Variants in NXN observed in about 807,000 individuals in gnomAD.
NXN encodes the protein nucleoredoxin 1.
A neutral mutation model predicts 48.6 loss-of-function variants in NXN; 16 were observed. That is an observed-to-expected ratio of 0.33 (90% CI 0.22 to 0.50). The LOEUF is 0.50. Among genes scored for constraint, NXN ranks in the 20% least tolerant of loss-of-function variants. The pLI, the probability that NXN is intolerant of heterozygous loss-of-function variation, is 0.98. For missense variants in NXN, 492 were observed against 605.5 expected (o/e 0.81, Z 1.97); for synonymous variants, 281 against 269.6 (o/e 1.04, Z -0.41).
At chr17:893,465 G>A (rs1051555627) in intron 1 of NXN, among the ~76,000 whole-genome samples, 6 of 152,210 alleles carry the variant, frequency 3.9e-5, no homozygotes, top group African/African-American at 1.2e-4. Flanking sequence ...TATCTCCATC[G>A]CTCAGTAGCG....
chr17:907,131 G>T lies in NXN; in HGVS notation c.360+72188C>A, dbSNP rs568812064. Among the ~76,000 whole-genome samples, 103 of 151,166 alleles carry T rather than the reference G, an allele frequency of 6.8e-4. 3 individuals carry two copies. In the South Asian group the frequency reaches 0.021, roughly 31 times the overall value. ...CCCAATTTCCAAGTAATCTTTTTTT[G>T]GGGGGGCGGGGGAGGGTTATCTCCA... On this transcript the variant is annotated intron_variant, in intron 1 of 7. Coordinates refer to ENST00000336868, the MANE Select transcript of NXN (RefSeq NM_022463.5).
intron 1 of NXN, among the ~76,000 whole-genome samples, chr17:874,199 G>A (rs1439077094): frequency 6.6e-6 from 1 of 152,160 alleles, no homozygotes; most frequent in African/African-American, 2.4e-5. Context: ...TGTGAAGAAG[G>A]ATGTGTTTGC....
chr17:856,737 C>T (rs1215282539), intron 1 of NXN, among the ~76,000 whole-genome samples: 2 of 151,960 alleles, frequency 1.3e-5, no homozygotes, highest in African/African-American at 4.8e-5. Flanking sequence ...TGATCCTCCT[C>T]CCAAAGTGCC....
In NXN at chr17:960,412, C is replaced by T. The variant is rs533390395; in HGVS notation, c.360+18907G>A. Among the ~76,000 whole-genome samples the T allele has an allele frequency of 9.2e-5, 14 of 152,196 alleles. No individual in the cohort carries two copies. In the South Asian group the frequency reaches 1.0e-3, roughly 11 times the overall value. On this transcript the variant is annotated intron_variant, in intron 1 of 7. Coordinates refer to ENST00000336868, the MANE Select transcript of NXN (RefSeq NM_022463.5). ...AGGCTGGGGTGCAGTGGCAGGATCA[C>T]GGCTCACTGCAGCCTCAACCTCCCA...
rs575037418 is a variant in NXN at position 934,326 on chromosome 17, G to A, written c.360+44993C>T. On this transcript the variant is annotated intron_variant, in intron 1 of 7. Coordinates refer to ENST00000336868, the MANE Select transcript of NXN (RefSeq NM_022463.5). ...CCGGGCGTGGTGGCGGGCACCTGTAGTCCCAGCTACTGGGGAGGCTGAGGC... is the reference window on the plus strand; with the variant it reads ...CCGGGCGTGGTGGCGGGCACCTGTAATCCCAGCTACTGGGGAGGCTGAGGC... Among the ~76,000 whole-genome samples the A allele has an allele frequency of 5.3e-5, 8 of 151,878 alleles. 1 individual carries two copies. In the South Asian group the frequency reaches 1.5e-3, roughly 28 times the overall value.
chr17:845,273 C>T (rs965346904), intron 1 of NXN, among the ~76,000 whole-genome samples: 1 of 151,864 alleles, frequency 6.6e-6, no homozygotes, highest in African/African-American at 2.4e-5. Context: ...CCCTTACAGA[C>T]TCAACATCCG....
At chr17:828,253 C>T (rs1405064352) in intron 1 of NXN, among the ~76,000 whole-genome samples, 1 of 149,140 alleles carries the variant, frequency 6.7e-6, no homozygotes, top group Admixed American at 6.7e-5. Context: ...ACAGGTGCCC[C>T]CTACCACACC....
intron 7 of NXN, among the ~76,000 whole-genome samples, 162 bp downstream of exon 7, chr17:803,520 C>T (rs955540062): frequency 9.2e-5 from 14 of 152,180 alleles, no homozygotes; most frequent in Admixed American, 2.6e-4. Flanking sequence ...TTTTCCATGG[C>T]GAATGGCTAC....
rs1005584628 is a variant in NXN at position 830,771 on chromosome 17, T to C, written c.361-4693A>G. Among the ~76,000 whole-genome samples the C allele has an allele frequency of 1.3e-5, 2 of 151,784 alleles. No individual in the cohort carries two copies. Among genetic ancestry groups the C allele is most frequent in the Non-Finnish European group, 2.9e-5 (2 of 67,908 alleles). Reference sequence around the variant, plus strand: ...ATCCCAGCAGTTTGGGAGGCCAAGGTGGGCAGATCATCTGAGGTCAGGAGT... The same window carrying C: ...ATCCCAGCAGTTTGGGAGGCCAAGGCGGGCAGATCATCTGAGGTCAGGAGT... On this transcript the variant is annotated intron_variant, in intron 1 of 7. Coordinates refer to ENST00000336868, the MANE Select transcript of NXN (RefSeq NM_022463.5). The surrounding 1 kb of genome is among the most constrained non-coding windows in gnomAD (Gnocchi z 4.2).
At chr17:864,209 A>AT in intron 1 of NXN, 2 of 1,146,514 alleles carry the variant, frequency 1.7e-6, no homozygotes, top group East Asian at 8.7e-5. Flanking sequence ...AGGGCACAGG[A>AT]TGGGCATTCA....
chr17:868,725 C>T (rs1168689570), intron 1 of NXN, among the ~76,000 whole-genome samples: 1 of 152,124 alleles, frequency 6.6e-6, no homozygotes, highest in Non-Finnish European at 1.5e-5. Flanking sequence ...ATTTCCTGAC[C>T]TCGTGATCCG....
chr17:871,399 C>CT (rs11345310), intron 1 of NXN, among the ~76,000 whole-genome samples: 5,433 of 101,466 alleles, frequency 0.054, 325 homozygotes, highest in East Asian at 0.24. Flanking sequence ...TACGCATTCA[C>CT]TTTTTTTTTT....
chr17:885,368 T>C (rs1253037726), intron 1 of NXN, among the ~76,000 whole-genome samples: 1 of 151,646 alleles, frequency 6.6e-6, no homozygotes, highest in Non-Finnish European at 1.5e-5. Context: ...TCCCAGCTAC[T>C]TGGGAGGCTG....
chr17:827,858 G>A (rs1913217585), intron 1 of NXN, among the ~76,000 whole-genome samples: 1 of 152,172 alleles, frequency 6.6e-6, no homozygotes, highest in Admixed American at 6.5e-5. Flanking sequence ...CATTGGTGGT[G>A]GGATGAGGAT....
chr17:899,249 CA>C (rs1300416200), intron 1 of NXN, among the ~76,000 whole-genome samples: 1 of 152,110 alleles, frequency 6.6e-6, no homozygotes, highest in Non-Finnish European at 1.5e-5. Flanking sequence ...TGAGCCACCG[CA>C]CCCCGGCCTG....
chr17:910,336 C>T (rs143868974), intron 1 of NXN, among the ~76,000 whole-genome samples: 1,590 of 151,804 alleles, frequency 0.01, 27 homozygotes, highest in African/African-American at 0.034. Context: ...CACTTGAACC[C>T]GGGAGGCGGA....
intron 1 of NXN, among the ~76,000 whole-genome samples, chr17:961,586 T>C (rs1413957101): frequency 6.6e-6 from 1 of 152,170 alleles, no homozygotes; most frequent in Admixed American, 6.5e-5. Flanking sequence ...AGGATGTACA[T>C]TTCATCTGCA....
At chr17:870,130 G>T (rs963368404) in intron 1 of NXN, among the ~76,000 whole-genome samples, 11 of 152,042 alleles carry the variant, frequency 7.2e-5, no homozygotes. Flanking sequence ...CCACAGCAAA[G>T]AAGTACCTGG....
chr17:903,059 C>G (rs1383122785), intron 1 of NXN, among the ~76,000 whole-genome samples: 1 of 151,174 alleles, frequency 6.6e-6, no homozygotes, highest in South Asian at 2.1e-4. Context: ...GCTGAGCCAC[C>G]GCACCCAGCC....
Sources: gnomAD v4.1 joint callset for allele counts (sites outside exome capture counted in the v4.1 genomes callset) on GRCh38, gnomAD v4.1.1 for gene constraint, Gnocchi (gnomAD v3.1) non-coding constraint, MANE v1.5 for transcripts, NCBI Gene and HGNC (gene_info 2026-07-23, HGNC 2026-07-21) for gene names.